The following CNTNAP2 variants were observed in gnomAD, a reference collection of about 807,000 sequenced individuals.
The protein encoded by CNTNAP2 is contactin associated protein 2.
A neutral mutation model predicts 155.2 loss-of-function variants in CNTNAP2; 98 were observed. That is an observed-to-expected ratio of 0.63 (90% confidence interval 0.54 to 0.75). CNTNAP2 has a LOEUF of 0.75. CNTNAP2 is among the 30% of genes least tolerant of loss of function. The pLI is 0.00. For missense variants in CNTNAP2, 1,727 were observed against 1,688.1 expected, an observed-to-expected ratio of 1.02 and a Z score of -0.40; for synonymous variants, 651 against 631.2, an observed-to-expected ratio of 1.03 and a Z score of -0.47.
chr7:146,388,461 AG>A (rs1795492565), intron 1 of CNTNAP2, among the ~76,000 whole-genome samples: 1 of 151,998 alleles, frequency 6.6e-6, no homozygotes, highest in Non-Finnish European at 1.5e-5. Flanking sequence ...GTGGGTATAT[AG>A]TAGGTGTATA....
rs1166963954 is a variant in CNTNAP2, at chr7:147,464,904, A to C, written c.1671-21031A>C. On this transcript the variant is annotated intron_variant, in intron 10 of 23. Coordinates refer to ENST00000361727, the MANE Select transcript of CNTNAP2 (RefSeq NM_014141.6). ...AACAATCTTCATGGCCAAGAGGCTC[A>C]ATTATAATGATTCTCTCCTGATATG... 2.0e-5 allele frequency among the ~76,000 whole-genome samples: 3 copies of C among 152,368 alleles called. No individual in the cohort carries two copies. The East Asian group carries it at 5.8e-4, about 29-fold the overall frequency.
chr7:148,246,533 A>T (rs546505753), intron 20 of CNTNAP2, among the ~76,000 whole-genome samples: 60 of 152,380 alleles, frequency 3.9e-4, no homozygotes, highest in African/African-American at 1.3e-3. Flanking sequence ...CTTTACTTAA[A>T]CACCCCACAT....
intron 2 of CNTNAP2, among the ~76,000 whole-genome samples, chr7:146,774,588 T>A (rs571826491): frequency 6.6e-6 from 1 of 152,122 alleles, no homozygotes; most frequent in East Asian, 1.9e-4. Flanking sequence ...GGCTGGAAGT[T>A]AGAGATAGTA....
chr7:146,901,515 TGGAA>T, intron 3 of CNTNAP2, among the ~76,000 whole-genome samples: 2 of 152,194 alleles, frequency 1.3e-5, no homozygotes, highest in African/African-American at 4.8e-5. Context: ...TCCTAGAAAA[TGGAA>T]TTTGACTTAA....
chr7:146,895,684 A>C (rs983917029), intron 3 of CNTNAP2, among the ~76,000 whole-genome samples: 1 of 152,268 alleles, frequency 6.6e-6, no homozygotes, highest in South Asian at 2.1e-4. Context: ...CTCTTAGACA[A>C]TTACATGGCA....
chr7:148,307,843 C>T (rs929195895), intron 21 of CNTNAP2, among the ~76,000 whole-genome samples: 4 of 152,116 alleles, frequency 2.6e-5, no homozygotes, highest in Non-Finnish European at 5.9e-5. Context: ...CATCGTGGCA[C>T]ACACCTGTAG....
intron 3 of CNTNAP2, among the ~76,000 whole-genome samples, chr7:146,853,403 T>A (rs551352994): frequency 6.6e-6 from 1 of 152,198 alleles, no homozygotes; most frequent in Admixed American, 6.5e-5. Flanking sequence ...ACACACACAC[T>A]CTCTCAACTC....
At chr7:147,137,374 A>T (rs2129286430) in intron 8 of CNTNAP2, among the ~76,000 whole-genome samples, 1 of 151,572 alleles carries the variant, frequency 6.6e-6, no homozygotes, top group Non-Finnish European at 1.5e-5. Flanking sequence ...ATATAATACT[A>T]ATGTTGATCA....
chr7:148,411,781 G>A (rs1346439182), intron 23 of CNTNAP2, among the ~76,000 whole-genome samples: 1 of 92,704 alleles, frequency 1.1e-5, no homozygotes, highest in Non-Finnish European at 2.3e-5. Flanking sequence ...AAGACCATTT[G>A]TTGAAAAAAA....
At chr7:146,431,173 A>G (rs1162464613) in intron 1 of CNTNAP2, among the ~76,000 whole-genome samples, 2 of 152,032 alleles carry the variant, frequency 1.3e-5, no homozygotes, top group African/African-American at 4.8e-5. Context: ...TCCAGGTAAT[A>G]CATATATTCT....
At chr7:146,317,339 C>T (rs1273160999) in intron 1 of CNTNAP2, among the ~76,000 whole-genome samples, 1 of 152,032 alleles carries the variant, frequency 6.6e-6, no homozygotes, top group Non-Finnish European at 1.5e-5. Context: ...ATTTTTTTGT[C>T]CCATCTTTCT....
At chr7:146,533,107 C>CAAAAAAAAAAAAAA (rs553035616) in intron 1 of CNTNAP2, among the ~76,000 whole-genome samples, 1 of 47,836 alleles carries the variant, frequency 2.1e-5, no homozygotes, top group Non-Finnish European at 4.0e-5. Flanking sequence ...GACCCTGTCT[C>CAAAAAAAAAAAAAA]AAAAAAAAAA....
chr7:148,273,021 T>C (rs1341475881), intron 21 of CNTNAP2, among the ~76,000 whole-genome samples: 1 of 152,206 alleles, frequency 6.6e-6, no homozygotes, highest in African/African-American at 2.4e-5. Context: ...AAGCAGAAGA[T>C]ATGAAGAGGA....
chr7:148,277,133 G>A (rs980586783), intron 21 of CNTNAP2, among the ~76,000 whole-genome samples: 2 of 146,908 alleles, frequency 1.4e-5, no homozygotes, highest in African/African-American at 5.2e-5. Flanking sequence ...GCAGCAACAT[G>A]TCTAGCTTTA....
At chr7:146,499,665 C>T (rs1032302211) in intron 1 of CNTNAP2, among the ~76,000 whole-genome samples, 1 of 151,954 alleles carries the variant, frequency 6.6e-6, no homozygotes, top group East Asian at 1.9e-4. Context: ...TTGTTCAACT[C>T]CTACTTATGA....
chr7:147,300,933 A>G (rs560680930), intron 9 of CNTNAP2, among the ~76,000 whole-genome samples: 1 of 152,274 alleles, frequency 6.6e-6, no homozygotes, highest in African/African-American at 2.4e-5. Flanking sequence ...GGGGAGGGGA[A>G]AGCCAGTAAG....
At chr7:147,106,079 G>T (rs1002931609) in intron 4 of CNTNAP2, among the ~76,000 whole-genome samples, 4 of 152,048 alleles carry the variant, frequency 2.6e-5, no homozygotes, top group Non-Finnish European at 2.9e-5. Flanking sequence ...TAGAGGAGGT[G>T]ATTCTTGTTC....
At chr7:147,206,937 A>G (rs536267360) in intron 8 of CNTNAP2, among the ~76,000 whole-genome samples, 101 of 152,320 alleles carry the variant, frequency 6.6e-4, no homozygotes, top group African/African-American at 2.3e-3. Context: ...TGGTGGAGCA[A>G]AGGTGACGGA....
chr7:147,661,146 G>A (rs1795602645), intron 13 of CNTNAP2, among the ~76,000 whole-genome samples: 1 of 152,084 alleles, frequency 6.6e-6, no homozygotes, highest in African/African-American at 2.4e-5. Flanking sequence ...TCATGTAGTA[G>A]ATATAATCCT....
Sources: allele counts gnomAD v4.1 joint callset (sites outside exome capture counted in the v4.1 genomes callset), GRCh38; gene constraint gnomAD v4.1.1; transcripts MANE v1.5; gene names NCBI Gene and HGNC (gene_info 2026-07-23, HGNC 2026-07-21).